Variants in LRMDA observed in about 807,000 individuals in gnomAD.
LRMDA encodes leucine rich melanocyte differentiation associated.
A neutral mutation model predicts 29.8 loss-of-function variants in LRMDA; 18 were observed. The ratio of observed to expected loss-of-function variants is 0.60; its 90% CI spans 0.42 to 0.90. The LOEUF is 0.90. LRMDA is among the 40% of genes least tolerant of loss of function. LRMDA has a pLI of 0.00. For missense variants in LRMDA, 273 were observed against 273.9 expected, an observed-to-expected ratio of 1.00 and a Z score of 0.02; for synonymous variants, 125 against 109.4, an observed-to-expected ratio of 1.14 and a Z score of -0.89.
At chr10:75,973,522 G>A (rs755024876) in intron 2 of LRMDA, among the ~76,000 whole-genome samples, 13 of 151,540 alleles carry the variant, frequency 8.6e-5, no homozygotes, top group Non-Finnish European at 1.6e-4. Context: ...GGGTTCAAGC[G>A]ATTCTCCTGC....
At chr10:75,451,027 T>C (rs1037077733) in intron 2 of LRMDA, 1 of 152,222 alleles carries the variant, frequency 6.6e-6, no homozygotes, top group African/African-American at 2.4e-5. Flanking sequence ...AGATGATGGT[T>C]GTAAGGTGCT....
intron 2 of LRMDA, among the ~76,000 whole-genome samples, chr10:75,509,238 C>A (rs1845200241): frequency 6.6e-6 from 1 of 152,028 alleles, no homozygotes; most frequent in African/African-American, 2.4e-5. Context: ...GAGCAGAAAC[C>A]CACGTGGCTA....
At chr10:75,692,603 G>A (rs368610960) in intron 2 of LRMDA, among the ~76,000 whole-genome samples, 4 of 136,576 alleles carry the variant, frequency 2.9e-5, no homozygotes, top group South Asian at 2.4e-4. Context: ...GTGTGTGTGT[G>A]TGTATGTGTA....
chr10:75,613,641 A>C (rs1841062323), intron 2 of LRMDA, among the ~76,000 whole-genome samples: 1 of 152,140 alleles, frequency 6.6e-6, no homozygotes, highest in South Asian at 2.1e-4. Flanking sequence ...GTTTTTTCAC[A>C]AAAACAAGAT....
At position 76,350,171 on chromosome 10, in the gene LRMDA, A is replaced by AC. The variant is rs997357823; in HGVS notation, c.601+25686_601+25687insC. Among the ~76,000 whole-genome samples, 16 of 146,976 alleles carry AC rather than the reference A, an allele frequency of 1.1e-4. No individual in the cohort carries two copies. The South Asian group carries it at 2.8e-3, about 26-fold the overall frequency. On this transcript the variant is annotated intron_variant, in intron 6 of 6. Coordinates refer to ENST00000611255, the MANE Select transcript of LRMDA (RefSeq NM_001305581.2). ...TGCAGGTAGGTGGAGGCAAAAAACAAAAAAAAAAATAAATAAATTCTGACC... is the reference window on the plus strand; with the variant it reads ...TGCAGGTAGGTGGAGGCAAAAAACAACAAAAAAAAATAAATAAATTCTGACC...
At chr10:75,735,854 G>A (rs1316307687) in intron 2 of LRMDA, among the ~76,000 whole-genome samples, 3 of 152,166 alleles carry the variant, frequency 2.0e-5, no homozygotes, top group African/African-American at 4.8e-5. Flanking sequence ...TCTACGGATC[G>A]TGTGTGAGAC....
chr10:76,209,305 C>G (rs1851594344), intron 5 of LRMDA, among the ~76,000 whole-genome samples: 1 of 152,116 alleles, frequency 6.6e-6, no homozygotes, highest in African/African-American at 2.4e-5. Context: ...TCACAGCCTC[C>G]TAGATACATC....
At chr10:75,705,220 G>A (rs1445292823) in intron 2 of LRMDA, among the ~76,000 whole-genome samples, 5 of 152,168 alleles carry the variant, frequency 3.3e-5, no homozygotes, top group Admixed American at 6.5e-5. Context: ...AGTCTTCAAA[G>A]TATCAGCAAT....
intron 2 of LRMDA, among the ~76,000 whole-genome samples, chr10:75,913,526 G>T (rs1041355983): frequency 6.6e-6 from 1 of 152,096 alleles, no homozygotes; most frequent in African/African-American, 2.4e-5. Context: ...AAACATTTTT[G>T]TAGTCTCTAA....
At chr10:76,290,112 G>A (rs73289067) in intron 5 of LRMDA, among the ~76,000 whole-genome samples, 1,748 of 152,294 alleles carry the variant, frequency 0.011, 16 homozygotes, top group African/African-American at 0.025. Context: ...GGCAGAATGA[G>A]TTACCAGTGT....
At chr10:75,871,623 C>G (rs1845112479) in intron 2 of LRMDA, among the ~76,000 whole-genome samples, 1 of 152,122 alleles carries the variant, frequency 6.6e-6, no homozygotes, top group African/African-American at 2.4e-5. Flanking sequence ...CTTCCTGCCC[C>G]CGTGTCCTCT....
At position 75,685,578 on chromosome 10, in the gene LRMDA, C is replaced by T. The variant is rs73280870; in HGVS notation, c.131+247084C>T. ...TCTCATGTGGTCATTGAGAGCTTGT[C>T]GACTTCCAGACACTGAGGAAGCAAG... On this transcript the variant is annotated intron_variant, in intron 2 of 6. Coordinates refer to ENST00000611255, the MANE Select transcript of LRMDA (RefSeq NM_001305581.2). Among the ~76,000 whole-genome samples, 1,275 of 152,260 alleles carry T rather than the reference C, an allele frequency of 8.4e-3. 23 individuals carry two copies. Among genetic ancestry groups the T allele is most frequent in the African/African-American group, 0.029 (1,187 of 41,552 alleles).
At chr10:76,361,246 G>A (rs1841308001) in intron 6 of LRMDA, among the ~76,000 whole-genome samples, 1 of 150,636 alleles carries the variant, frequency 6.6e-6, no homozygotes, top group East Asian at 1.9e-4. Context: ...GGATGACAGA[G>A]CGAGACTGTC....
intron 6 of LRMDA, among the ~76,000 whole-genome samples, chr10:76,509,767 G>A (rs1038560776): frequency 7.2e-5 from 11 of 152,298 alleles, no homozygotes; most frequent in East Asian, 1.9e-4. Context: ...TTTCAGCCTC[G>A]TGGTAAGTAC....
intron 2 of LRMDA, among the ~76,000 whole-genome samples, chr10:75,997,810 G>A (rs902399890): frequency 1.3e-5 from 2 of 152,156 alleles, no homozygotes; most frequent in Non-Finnish European, 1.5e-5. Flanking sequence ...TTTGACTGTG[G>A]TTTGTGATAC....
intron 2 of LRMDA, among the ~76,000 whole-genome samples, chr10:75,564,951 C>G (rs1840351094): frequency 6.6e-6 from 1 of 152,172 alleles, no homozygotes; most frequent in African/African-American, 2.4e-5. Context: ...TATAAAATTT[C>G]CCTTTTAAAC....
intron 6 of LRMDA, among the ~76,000 whole-genome samples, chr10:76,491,688 C>A (rs1415766269): frequency 6.6e-6 from 1 of 151,776 alleles, no homozygotes; most frequent in East Asian, 1.9e-4. Flanking sequence ...TGTTCTATAA[C>A]CTTCTTATAC....
chr10:75,682,555 T>C (rs919643412), intron 2 of LRMDA, among the ~76,000 whole-genome samples: 16 of 152,292 alleles, frequency 1.1e-4, no homozygotes, highest in African/African-American at 3.6e-4. Flanking sequence ...ATATAGTATA[T>C]GTACTTATAC....
chr10:76,332,674 G>A (rs1589140305), intron 6 of LRMDA, among the ~76,000 whole-genome samples: 1 of 152,294 alleles, frequency 6.6e-6, no homozygotes, highest in African/African-American at 2.4e-5. Flanking sequence ...GGTTCTAAAT[G>A]TGCTTATGTT....
Sources: allele counts gnomAD v4.1 joint callset (sites outside exome capture counted in the v4.1 genomes callset), GRCh38; gene constraint gnomAD v4.1.1; transcripts MANE v1.5; gene names NCBI Gene and HGNC (gene_info 2026-07-23, HGNC 2026-07-21).